Variants in MERTK observed in about 807,000 individuals in gnomAD.
The protein encoded by MERTK is MER proto-oncogene, tyrosine kinase.
Under a neutral mutation model 99.3 loss-of-function variants are expected in MERTK, and 69 were observed. The observed-to-expected ratio is 0.70, with a 90% confidence interval of 0.57 to 0.85. The LOEUF is 0.85. Ranked by LOEUF, MERTK falls within the 40% of genes least tolerant of loss-of-function variation. The pLI, the probability that MERTK is intolerant of heterozygous loss-of-function variation, is 0.00. For missense variants in MERTK, 1,125 were observed against 1,249.4 expected, an observed-to-expected ratio of 0.90 and a Z score of 1.50; for synonymous variants, 426 against 467.6, an observed-to-expected ratio of 0.91 and a Z score of 1.15.
chr2:111,903,432 C>A (rs887650513), intron 1 of MERTK, among the ~76,000 whole-genome samples: 2 of 152,152 alleles, frequency 1.3e-5, no homozygotes, highest in African/African-American at 4.8e-5. Context: ...GCTGTATTAA[C>A]CCCAAACATA....
intron 4 of MERTK, among the ~76,000 whole-genome samples, chr2:111,962,623 TGTG>T (rs1360869095): frequency 6.6e-6 from 1 of 152,206 alleles, no homozygotes; most frequent in Non-Finnish European, 1.5e-5. Flanking sequence ...TTTACATTGG[TGTG>T]GTGCATTTGC....
At chr2:111,971,525 A>G (rs1372251319) in intron 6 of MERTK, among the ~76,000 whole-genome samples, 2 of 151,986 alleles carry the variant, frequency 1.3e-5, no homozygotes, top group Non-Finnish European at 1.5e-5. Flanking sequence ...TGTTCATCTC[A>G]AGTTTTCTGT....
intron 7 of MERTK, among the ~76,000 whole-genome samples, chr2:111,980,619 C>G (rs1391020992): frequency 1.3e-5 from 2 of 151,978 alleles, no homozygotes; most frequent in Non-Finnish European, 2.9e-5. Context: ...GGGGTTTCAC[C>G]GTGTTGGCCA....
rs143584038 is a variant in MERTK at position 111,982,904 on chromosome 2, A to C, written c.1207A>C (p.Ile403Leu). Reference protein sequence around the residue: ...FLNESSDNVDIRWMKPPTKQQ... With the variant: ...FLNESSDNVDLRWMKPPTKQQ... Reference sequence around the variant, plus strand: ...GAATGAATCTAGTGATAATGTGGACATCAGATGGATGAAGCCTCCGACTAA... The same window carrying C: ...GAATGAATCTAGTGATAATGTGGACCTCAGATGGATGAAGCCTCCGACTAA... Residue 403 changes from isoleucine (I) to leucine (L), a missense_variant, in exon 8 of 19, where the codon ATC becomes CTC. Ile to Leu is a conservative substitution (Grantham distance 5, BLOSUM62 2). Transcript: ENST00000295408. The C allele has an allele frequency of 6.2e-7, 1 of 1,614,174 alleles. No homozygotes were observed. The highest frequency in any genetic ancestry group is 1.3e-5 in the African/African-American group (1 of 75,034).
chr2:111,919,618 A>C (rs899632960), intron 1 of MERTK, among the ~76,000 whole-genome samples: 1 of 151,890 alleles, frequency 6.6e-6, no homozygotes, highest in African/African-American at 2.4e-5. Context: ...TTTGCAAAGC[A>C]CCACCAAGAA....
At chr2:111,902,095 G>C (rs1331505595) in intron 1 of MERTK, among the ~76,000 whole-genome samples, 1 of 152,142 alleles carries the variant, frequency 6.6e-6, no homozygotes, top group African/African-American at 2.4e-5. Flanking sequence ...GTGTTGGTTA[G>C]GTTGGTCTCG....
At chr2:111,906,310 G>A (rs1018451652) in intron 1 of MERTK, among the ~76,000 whole-genome samples, 16 of 152,158 alleles carry the variant, frequency 1.1e-4, no homozygotes, top group Admixed American at 9.2e-4. Context: ...CCTTAGCTGT[G>A]GTCTTGCCTC....
At chr2:111,997,804 C>T (rs535427159) in intron 10 of MERTK, among the ~76,000 whole-genome samples, 2 of 152,340 alleles carry the variant, frequency 1.3e-5, no homozygotes, top group South Asian at 4.1e-4. Context: ...GTAATCCCAG[C>T]ACTTTGGGAG....
intron 7 of MERTK, among the ~76,000 whole-genome samples, chr2:111,978,264 C>G (rs1676295973): frequency 6.6e-6 from 1 of 152,112 alleles, no homozygotes; most frequent in Non-Finnish European, 1.5e-5. Flanking sequence ...ATTCTCCTGC[C>G]TCAGCCTCCT....
At chr2:111,959,393 C>T (rs1170813723) in intron 4 of MERTK, among the ~76,000 whole-genome samples, 1 of 152,156 alleles carries the variant, frequency 6.6e-6, no homozygotes, top group Non-Finnish European at 1.5e-5. Flanking sequence ...ACCTCTCTTG[C>T]TTGTCTGGAA....
chr2:112,015,714 T>C (rs1303183095), intron 15 of MERTK: 1 of 153,214 alleles, frequency 6.5e-6, no homozygotes, highest in Non-Finnish European at 1.5e-5. Flanking sequence ...TGAGTCATGC[T>C]TTTGCTCTCA....
At chr2:111,981,911 T>C (rs1247409947) in intron 7 of MERTK, among the ~76,000 whole-genome samples, 2 of 152,192 alleles carry the variant, frequency 1.3e-5, no homozygotes, top group Admixed American at 1.3e-4. Context: ...TAGCTGGCCA[T>C]GTTAACTTTC....
chr2:112,008,446 T>G lies in MERTK; in HGVS notation c.1931T>G (p.Phe644Cys), dbSNP rs773141019. The G allele has an allele frequency of 1.2e-6, 2 of 1,614,128 alleles. No homozygotes were observed. Among genetic ancestry groups the G allele is most frequent in the African/African-American group, 2.7e-5 (2 of 75,028 alleles). ...FLSEAACMKD[F>C]SHPNVIRLLG... ...AGTGAGGCAGCGTGCATGAAAGACT[T>G]CAGCCACCCAAATGTCATTCGACTT... The change falls in exon 14 of 19, where the codon TTC (phenylalanine) becomes TGC (cysteine). Residue 644 changes from phenylalanine (F) to cysteine (C), a missense_variant. Phe to Cys is a radical substitution (Grantham distance 205). Transcript: ENST00000295408.
At chr2:112,010,451 G>T (rs1681238752) in intron 15 of MERTK, among the ~76,000 whole-genome samples, 1 of 152,176 alleles carries the variant, frequency 6.6e-6, no homozygotes, top group Admixed American at 6.5e-5. Flanking sequence ...GCTCATTCTG[G>T]ATTTCAACCT....
At chr2:111,969,846 C>T (rs1002229926) in intron 6 of MERTK, among the ~76,000 whole-genome samples, 2 of 152,176 alleles carry the variant, frequency 1.3e-5, no homozygotes, top group East Asian at 3.9e-4. Flanking sequence ...CCCCCGCCAC[C>T]GCGCCCAGCT....
intron 9 of MERTK, chr2:111,995,236 G>A (rs1326853796): frequency 6.4e-6 from 1 of 155,550 alleles, no homozygotes; most frequent in Non-Finnish European, 1.4e-5. Flanking sequence ...AGCCATGCGT[G>A]TTGGCTTTTG....
intron 2 of MERTK, among the ~76,000 whole-genome samples, chr2:111,938,110 T>C (rs1230478086): frequency 1.3e-5 from 2 of 152,190 alleles, no homozygotes; most frequent in Non-Finnish European, 2.9e-5. Flanking sequence ...AGGGTTTCAC[T>C]CTGTTGCTCA....
intron 1 of MERTK, among the ~76,000 whole-genome samples, chr2:111,906,594 G>A (rs545868536): frequency 6.6e-6 from 1 of 152,348 alleles, no homozygotes; most frequent in Admixed American, 6.5e-5. Flanking sequence ...AGTGTTGTGT[G>A]TGCCTGGAGG....
In MERTK at chr2:111,965,206, C is replaced by A. The variant is rs35252762; in HGVS notation, c.773C>A (p.Ala258Glu). Residue 258 changes from alanine to glutamate, a missense_variant, in exon 5 of 19, where the codon GCG becomes GAG. Physicochemically the swap from Ala to Glu is moderately radical, Grantham distance 107. Coordinates refer to ENST00000295408, the MANE Select transcript of MERTK (RefSeq NM_006343.3). The part of the protein sequence containing the change: ...VLTVPGLTEM[A>E]VFSCEAHNDK... ...TCCATTCCAGGCCTGACGGAGATGGCGGTCTTCAGTTGTGAGGCCCACAAT... is the reference window on the plus strand; with the variant it reads ...TCCATTCCAGGCCTGACGGAGATGGAGGTCTTCAGTTGTGAGGCCCACAAT... 1.5e-4 allele frequency: 245 copies of A among 1,614,040 alleles called. No homozygotes were observed. Among genetic ancestry groups the A allele is most frequent in the Non-Finnish European group, 2.6e-5 (31 of 1,180,002 alleles).
Sources: gnomAD v4.1 joint callset for allele counts (sites outside exome capture counted in the v4.1 genomes callset) on GRCh38, gnomAD v4.1.1 for gene constraint, MANE v1.5 for transcripts, NCBI Gene and HGNC (gene_info 2026-07-23, HGNC 2026-07-21) for gene names.